Variants in ZHX2 observed in about 807,000 individuals in gnomAD.
The protein encoded by ZHX2 is zinc fingers and homeoboxes protein 2.
In ZHX2, 6 loss-of-function variants were observed where a neutral mutation model predicts 21.9. The ratio of observed to expected loss-of-function variants is 0.27; its 90% CI spans 0.15 to 0.54. The LOEUF (loss-of-function observed/expected upper bound fraction) is 0.54. Ranked by LOEUF, ZHX2 falls within the 20% of genes least tolerant of loss-of-function variation. ZHX2 has a pLI of 0.95. For synonymous variants in ZHX2, 434 were observed against 437.1 expected, an observed-to-expected ratio of 0.99 and a Z score of 0.09; for missense variants, 908 against 1,090.7, an observed-to-expected ratio of 0.83 and a Z score of 2.36.
chr8:122,890,472 A>AT (rs1483007955), intron 2 of ZHX2, among the ~76,000 whole-genome samples: 1 of 151,836 alleles, frequency 6.6e-6, no homozygotes, highest in African/African-American at 2.4e-5. Flanking sequence ...GAATTTTAGG[A>AT]TTTTTTTCTA....
chr8:122,929,822 C>T (rs903841782), intron 2 of ZHX2, among the ~76,000 whole-genome samples: 10 of 152,150 alleles, frequency 6.6e-5, no homozygotes, highest in African/African-American at 2.4e-4. Flanking sequence ...CAGTATAAAT[C>T]CAACTCTATG....
chr8:122,961,179 C>T (rs1313269029), intron 3 of ZHX2, among the ~76,000 whole-genome samples: 5 of 152,214 alleles, frequency 3.3e-5, no homozygotes, highest in Non-Finnish European at 7.3e-5. Context: ...CTCTTCGTAG[C>T]TTGCCAACAC....
At chr8:122,920,525 C>T (rs962160217) in intron 2 of ZHX2, among the ~76,000 whole-genome samples, 4 of 152,104 alleles carry the variant, frequency 2.6e-5, no homozygotes, top group Non-Finnish European at 4.4e-5. Flanking sequence ...AACTCAACGC[C>T]CACCTTCAGA....
intron 1 of ZHX2, among the ~76,000 whole-genome samples, chr8:122,787,168 C>G (rs900522858): frequency 2.0e-5 from 3 of 151,578 alleles, no homozygotes; most frequent in Non-Finnish European, 4.4e-5. Context: ...CAATTTCCAC[C>G]CAAACTTTAA....
Position 122,951,616 on chromosome 8 carries a change from G to A in ZHX2, c.106G>A (p.Gly36Ser), listed in dbSNP as rs140461950. ...AGACAGGGCCAAAGAGAAAGGAATCGGCACACCACAGCCTGACGTGGCCAA... is the reference window on the plus strand; with the variant it reads ...AGACAGGGCCAAAGAGAAAGGAATCAGCACACCACAGCCTGACGTGGCCAA... ...EVDRAKEKGI[G>S]TPQPDVAKDS... Residue 36 changes from glycine to serine, a missense_variant, in exon 3 of 4, where the codon GGC (glycine) becomes AGC (serine). Coordinates refer to ENST00000314393, the MANE Select transcript of ZHX2 (RefSeq NM_014943.5). The A allele has an allele frequency of 1.3e-4, 202 of 1,613,874 alleles. 2 individuals are homozygous for A. The East Asian group carries it at 3.9e-3, about 31-fold the overall frequency.
At chr8:122,863,012 A>G (rs1265429686) in intron 1 of ZHX2, among the ~76,000 whole-genome samples, 1 of 152,118 alleles carries the variant, frequency 6.6e-6, no homozygotes, top group Non-Finnish European at 1.5e-5. Context: ...CAGGATATAA[A>G]TACGCTTTGG....
At chr8:122,909,645 A>G (rs1224801029) in intron 2 of ZHX2, among the ~76,000 whole-genome samples, 1 of 151,770 alleles carries the variant, frequency 6.6e-6, no homozygotes, top group African/African-American at 2.4e-5. Flanking sequence ...CTCTCACTCA[A>G]GCAGAAACCT....
intron 2 of ZHX2, among the ~76,000 whole-genome samples, chr8:122,882,458 T>C (rs1420516998): frequency 6.6e-6 from 1 of 152,056 alleles, no homozygotes; most frequent in African/African-American, 2.4e-5. Flanking sequence ...TTTTTCTTCC[T>C]CTCTCTAAAG....
At chr8:122,819,573 C>G (rs1023359607) in intron 1 of ZHX2, among the ~76,000 whole-genome samples, 47 of 152,236 alleles carry the variant, frequency 3.1e-4, no homozygotes, top group African/African-American at 1.1e-3. Flanking sequence ...CCACTGCAGT[C>G]AGTTCCTAAG....
rs28698899 is a variant in ZHX2 at position 122,789,376 on chromosome 8, G to A, written c.-283+7430G>A. ...CTCTAAGGACAAAGCCATCTCAGGC[G>A]CCACCCCACCAGCCCCTGGGTGTAC... On this transcript the variant is annotated intron_variant, in intron 1 of 3. Coordinates refer to ENST00000314393, the MANE Select transcript of ZHX2 (RefSeq NM_014943.5). Among the ~76,000 whole-genome samples, 263 of 152,278 alleles carry A rather than the reference G, an allele frequency of 1.7e-3. 1 individual carries two copies. The highest frequency in any genetic ancestry group is 6.1e-3 in the African/African-American group (254 of 41,558).
At chr8:122,930,975 G>A (rs1820976384) in intron 2 of ZHX2, among the ~76,000 whole-genome samples, 1 of 152,082 alleles carries the variant, frequency 6.6e-6, no homozygotes, top group African/African-American at 2.4e-5. Context: ...TGTTATCATG[G>A]GAGGCCTCCC....
intron 1 of ZHX2, among the ~76,000 whole-genome samples, chr8:122,786,915 A>G (rs188373489): frequency 5.3e-5 from 8 of 152,190 alleles, no homozygotes; most frequent in African/African-American, 1.9e-4. Flanking sequence ...TATTTTCTGT[A>G]TTGACAAGAT....
intron 1 of ZHX2, among the ~76,000 whole-genome samples, chr8:122,851,041 C>T (rs1000151963): frequency 1.3e-5 from 2 of 151,874 alleles, no homozygotes; most frequent in African/African-American, 4.8e-5. Context: ...GTGGTCTTCT[C>T]CCTCACTGCA....
chr8:122,792,601 G>C (rs781455688), intron 1 of ZHX2, among the ~76,000 whole-genome samples: 6 of 152,148 alleles, frequency 3.9e-5, no homozygotes, highest in Non-Finnish European at 7.3e-5. Flanking sequence ...CAGAGTATGA[G>C]AGAGTTCTGA....
intron 2 of ZHX2, among the ~76,000 whole-genome samples, chr8:122,886,386 T>G (rs966334196): frequency 6.6e-6 from 1 of 152,222 alleles, no homozygotes; most frequent in Non-Finnish European, 1.5e-5. Flanking sequence ...TGTGATACTG[T>G]CATGGTAGAT....
At chr8:122,947,358 G>T (rs1813003861) in intron 2 of ZHX2, among the ~76,000 whole-genome samples, 2 of 152,012 alleles carry the variant, frequency 1.3e-5, no homozygotes, top group Admixed American at 6.6e-5. Flanking sequence ...GTCCTTCATT[G>T]TATTAGACAA....
intron 3 of ZHX2, among the ~76,000 whole-genome samples, chr8:122,957,408 G>A (rs13249335): frequency 0.62 from 93,624 of 151,616 alleles, 29,139 homozygotes; most frequent in East Asian, 0.78. Context: ...TCTGTTCCAC[G>A]TGTGGCAACA....
intron 2 of ZHX2, among the ~76,000 whole-genome samples, chr8:122,878,618 A>G (rs994446099): frequency 4.5e-4 from 69 of 152,166 alleles, no homozygotes; most frequent in African/African-American, 1.7e-3. Context: ...CTTGCATCAC[A>G]TCCTTATCCA....
intron 2 of ZHX2, among the ~76,000 whole-genome samples, chr8:122,899,912 G>A (rs1586371965): frequency 6.6e-6 from 1 of 152,178 alleles, no homozygotes; most frequent in Non-Finnish European, 1.5e-5. Context: ...GTAGCAAGGT[G>A]GGCTGTGTGC....
Sources: gnomAD v4.1 joint callset for allele counts (sites outside exome capture counted in the v4.1 genomes callset) on GRCh38, gnomAD v4.1.1 for gene constraint, MANE v1.5 for transcripts, NCBI Gene and HGNC (gene_info 2026-07-23, HGNC 2026-07-21) for gene names.